C12orf42: variants seen among roughly 807,000 people sequenced by gnomAD.
C12orf42 encodes the protein chromosome 12 open reading frame 42, also known as uncharacterized protein C12orf42.
A neutral mutation model predicts 21.6 loss-of-function variants in C12orf42; 25 were observed. The ratio of observed to expected loss-of-function variants is 1.16; its 90% CI spans 0.84 to 1.62. The LOEUF (loss-of-function observed/expected upper bound fraction) is 1.62, where lower values mean the gene tolerates loss of function less well. C12orf42 is among the 40% of genes most tolerant of loss of function. C12orf42 has a pLI of 0.00. For synonymous variants in C12orf42, 174 were observed against 175.0 expected (o/e 0.99, Z 0.05); for missense variants, 483 against 459.3 (o/e 1.05, Z -0.47).
intron 4 of C12orf42, among the ~76,000 whole-genome samples, chr12:103,327,973 G>A (rs1244845936): frequency 6.6e-6 from 1 of 152,258 alleles, no homozygotes; most frequent in East Asian, 1.9e-4. Flanking sequence ...AAAATTCCAG[G>A]AAGATCTTGA....
the C12orf42 span, among the ~76,000 whole-genome samples, chr12:103,198,026 C>T: frequency 6.6e-6 from 1 of 152,178 alleles, no homozygotes; most frequent in Non-Finnish European, 1.5e-5. Flanking sequence ...ACAGAGGCAG[C>T]AGGATCCACA....
At chr12:103,143,597 G>T in the C12orf42 span, among the ~76,000 whole-genome samples, 1 of 152,176 alleles carries the variant, frequency 6.6e-6, no homozygotes, top group South Asian at 2.1e-4. Flanking sequence ...GACTTTTAAG[G>T]CCTCAATCCA....
chr12:103,434,169 G>A (rs970500726), intron 2 of C12orf42, among the ~76,000 whole-genome samples: 27 of 152,106 alleles, frequency 1.8e-4, no homozygotes, highest in Admixed American at 1.3e-4. Flanking sequence ...AGCCAAGATG[G>A]CTACACCAGC....
chr12:103,404,723 AT>A (rs1332768178), intron 2 of C12orf42, among the ~76,000 whole-genome samples: 54 of 152,366 alleles, frequency 3.5e-4, no homozygotes, highest in African/African-American at 1.3e-3. Flanking sequence ...CTCAGGTCTA[AT>A]GAAAAGAAAT....
chr12:103,159,278 T>A, the C12orf42 span, among the ~76,000 whole-genome samples: 1 of 152,202 alleles, frequency 6.6e-6, no homozygotes, highest in African/African-American at 2.4e-5. Context: ...GTCACACGAC[T>A]TTTTCTTCCA....
At chr12:103,391,907 T>G (rs2047115486) in intron 3 of C12orf42, among the ~76,000 whole-genome samples, 1 of 152,172 alleles carries the variant, frequency 6.6e-6, no homozygotes. Flanking sequence ...TTACCAAATC[T>G]AAGGTCATGA....
the C12orf42 span, among the ~76,000 whole-genome samples, chr12:103,147,077 G>GTCC: frequency 1.3e-5 from 2 of 152,132 alleles, no homozygotes; most frequent in African/African-American, 2.4e-5. Context: ...AAGAAGGCCC[G>GTCC]TAAGTATACA....
chr12:103,284,494 A>G (rs2036321198), intron 4 of C12orf42, among the ~76,000 whole-genome samples: 1 of 152,210 alleles, frequency 6.6e-6, no homozygotes, highest in Non-Finnish European at 1.5e-5. Context: ...ACAAGTCATC[A>G]TCAGAGAGTC....
At chr12:103,480,581 A>C (rs1029319312) in intron 1 of C12orf42, among the ~76,000 whole-genome samples, 2 of 151,362 alleles carry the variant, frequency 1.3e-5, no homozygotes, top group Non-Finnish European at 3.0e-5. Flanking sequence ...TTTTCTTCTA[A>C]TACTACTTTC....
chr12:103,147,892 A>G, the C12orf42 span, among the ~76,000 whole-genome samples: 2 of 152,132 alleles, frequency 1.3e-5, no homozygotes, highest in Non-Finnish European at 2.9e-5. Flanking sequence ...CAGTCAAGAT[A>G]GCCTAACCAA....
At chr12:103,462,821 T>G (rs1952828531) in intron 2 of C12orf42, among the ~76,000 whole-genome samples, 1 of 152,176 alleles carries the variant, frequency 6.6e-6, no homozygotes, top group Admixed American at 6.6e-5. Context: ...ACCCTATCTG[T>G]GGAGAATAAT....
chr12:103,134,306 G>T, the C12orf42 span, among the ~76,000 whole-genome samples: 1 of 151,774 alleles, frequency 6.6e-6, no homozygotes, highest in Non-Finnish European at 1.5e-5. Context: ...TTAAAATATT[G>T]ATATTAAAGA....
intron 3 of C12orf42, among the ~76,000 whole-genome samples, chr12:103,388,376 C>T (rs984387305): frequency 2.0e-5 from 3 of 152,176 alleles, no homozygotes; most frequent in African/African-American, 4.8e-5. Flanking sequence ...TCCTACACCC[C>T]ACTCTGCATC....
the C12orf42 span, among the ~76,000 whole-genome samples, chr12:103,552,651 AC>A: frequency 4.6e-5 from 7 of 152,166 alleles, no homozygotes; most frequent in African/African-American, 1.7e-4. Context: ...GTCCATTTAC[AC>A]CCTCACAAAT....
chr12:103,144,441 TA>T, the C12orf42 span, among the ~76,000 whole-genome samples: 4 of 152,184 alleles, frequency 2.6e-5, no homozygotes, highest in African/African-American at 9.6e-5. Flanking sequence ...TTTCCATCCA[TA>T]AGCTATATTT....
At chr12:103,532,394 T>C in the C12orf42 span, among the ~76,000 whole-genome samples, 1 of 152,244 alleles carries the variant, frequency 6.6e-6, no homozygotes, top group African/African-American at 2.4e-5. Flanking sequence ...AATGGACTTA[T>C]TTATATGCTT....
At chr12:103,296,928 C>T (rs1214298525) in intron 4 of C12orf42, among the ~76,000 whole-genome samples, 3 of 152,134 alleles carry the variant, frequency 2.0e-5, no homozygotes, top group Admixed American at 1.3e-4. Flanking sequence ...ACATGAAGTC[C>T]TTGCCCATGC....
chr12:103,342,611 AG>A (rs2042259065), intron 4 of C12orf42, among the ~76,000 whole-genome samples: 1 of 152,012 alleles, frequency 6.6e-6, no homozygotes, highest in African/African-American at 2.4e-5. Context: ...AGTTTAAAAA[AG>A]AAAAAAAGCA....
intron 5 of C12orf42, among the ~76,000 whole-genome samples, chr12:103,275,771 AAGAC>A (rs903065837): frequency 2.0e-5 from 3 of 151,142 alleles, no homozygotes; most frequent in African/African-American, 4.9e-5. Context: ...TCAGGAAAAC[AAGAC>A]AGACAAACTT....
Sources: allele counts gnomAD v4.1 joint callset (sites outside exome capture counted in the v4.1 genomes callset), GRCh38; gene constraint gnomAD v4.1.1; transcripts MANE v1.5; gene names NCBI Gene and HGNC (gene_info 2026-07-23, HGNC 2026-07-21).